The following SLC30A4 variants were observed in gnomAD, a reference collection of about 807,000 sequenced individuals.
SLC30A4 encodes probable proton-coupled zinc antiporter SLC30A4.
In SLC30A4, 20 loss-of-function variants were observed where a neutral mutation model predicts 41.7. The ratio of observed to expected loss-of-function variants is 0.48; its 90% CI spans 0.34 to 0.70. SLC30A4 has a LOEUF of 0.70. Among genes scored for constraint, SLC30A4 ranks in the 30% least tolerant of loss-of-function variants. The pLI, the probability that SLC30A4 is intolerant of heterozygous loss-of-function variation, is 0.01. For synonymous variants in SLC30A4, 181 were observed against 195.9 expected (o/e 0.92, Z 0.64); for missense variants, 441 against 529.3 (o/e 0.83, Z 1.64).
intron 2 of SLC30A4, among the ~76,000 whole-genome samples, chr15:45,514,914 C>G (rs1055397897): frequency 7.2e-5 from 11 of 152,072 alleles, no homozygotes; most frequent in Non-Finnish European, 1.6e-4. Flanking sequence ...GGGTCTTGCT[C>G]TGTTGTCCAG....
At chr15:45,507,175 C>T (rs1488002089) in intron 3 of SLC30A4, among the ~76,000 whole-genome samples, 1 of 151,708 alleles carries the variant, frequency 6.6e-6, no homozygotes, top group Non-Finnish European at 1.5e-5. Flanking sequence ...CAAAAATTAG[C>T]CATGAGTGGC....
chr15:45,520,981 C>G, intron 2 of SLC30A4: 1 of 455,506 alleles, frequency 2.2e-6, no homozygotes, highest in Admixed American at 2.7e-5. Context: ...AAAAGAAGAC[C>G]AGCATGGCTG....
chr15:45,506,289 A>G (rs929518245), intron 3 of SLC30A4, among the ~76,000 whole-genome samples: 2 of 152,198 alleles, frequency 1.3e-5, no homozygotes, highest in South Asian at 4.1e-4. Flanking sequence ...ATAAATCAAC[A>G]GAGAAAAAAC....
chr15:45,510,531 A>G (rs1416527762), intron 3 of SLC30A4, among the ~76,000 whole-genome samples: 1 of 152,228 alleles, frequency 6.6e-6, no homozygotes, highest in Non-Finnish European at 1.5e-5. Context: ...AGTTCAGGTA[A>G]TTATTTTATA....
intron 4 of SLC30A4, among the ~76,000 whole-genome samples, chr15:45,489,614 T>A (rs1891772360): frequency 9.4e-6 from 1 of 105,980 alleles, no homozygotes; most frequent in Non-Finnish European, 1.7e-5. Flanking sequence ...ATTCAGGGAC[T>A]GTTGTGGGGT....
intron 2 of SLC30A4, among the ~76,000 whole-genome samples, chr15:45,514,924 G>C (rs531902589): frequency 2.1e-4 from 32 of 152,054 alleles, no homozygotes; most frequent in Admixed American, 1.6e-3. Context: ...CTGTTGTCCA[G>C]GCTGCAGTGC....
chr15:45,485,039 G>A lies in SLC30A4; in HGVS notation c.*124C>T, dbSNP rs1891669896. On this transcript the variant is annotated 3_prime_UTR_variant, in exon 8 of 8. Coordinates refer to ENST00000261867, the MANE Select transcript of SLC30A4 (RefSeq NM_013309.6). ...CTGTCAGGCTGGGGCAACTGTTTGAGAGACTGATGCTTGATACGGACACAG... is the reference window on the plus strand; with the variant it reads ...CTGTCAGGCTGGGGCAACTGTTTGAAAGACTGATGCTTGATACGGACACAG... The A allele has an allele frequency of 1.4e-6, 1 of 704,910 alleles. No individual in the cohort carries two copies. Among genetic ancestry groups the A allele is most frequent in the Non-Finnish European group, 2.3e-6 (1 of 427,042 alleles). 43.7% of individuals were successfully genotyped at this position (704,910 alleles called of 1,614,324 possible).
At chr15:45,514,559 G>A (rs541620644) in intron 2 of SLC30A4, among the ~76,000 whole-genome samples, 26 of 139,936 alleles carry the variant, frequency 1.9e-4, no homozygotes, top group African/African-American at 6.8e-4. Flanking sequence ...CTGTCACCCA[G>A]GTTGGAGTAC....
chr15:45,479,835 C>T lies in SLC30A4; in HGVS notation c.*5328G>A, dbSNP rs1371485130. On this transcript the variant is annotated 3_prime_UTR_variant, in exon 8 of 8. Transcript: ENST00000261867. ...AATTACAATGTGAAAGTTGCAAATA[C>T]AGCACATATATATATATATATATAT... 1 of 142,854 alleles carries T rather than the reference C, an allele frequency of 7.0e-6. No homozygotes were observed. Among genetic ancestry groups the T allele is most frequent in the Non-Finnish European group, 1.5e-5 (1 of 66,786 alleles). The allele number at this position is 142,854 out of a possible 1,614,324, so 8.8% of individuals were successfully genotyped here.
At chr15:45,488,603 A>C (rs1332863072) in intron 5 of SLC30A4, among the ~76,000 whole-genome samples, 1 of 152,076 alleles carries the variant, frequency 6.6e-6, no homozygotes, top group Admixed American at 6.6e-5. Context: ...ATAAATAAGA[A>C]AATTGATTTA....
intron 2 of SLC30A4, chr15:45,521,071 A>G (rs2140866761): frequency 2.2e-6 from 1 of 445,920 alleles, no homozygotes; most frequent in Non-Finnish European, 4.5e-6. Context: ...CTCCAGTCAA[A>G]CATCTTAAAT....
chr15:45,495,450 A>T (rs899508029), intron 3 of SLC30A4, among the ~76,000 whole-genome samples: 5 of 152,240 alleles, frequency 3.3e-5, no homozygotes, highest in African/African-American at 1.2e-4. Context: ...TTGGATGCCC[A>T]GTTAAATTTG....
chr15:45,491,287 C>G (rs1891805206), intron 3 of SLC30A4, among the ~76,000 whole-genome samples: 1 of 152,222 alleles, frequency 6.6e-6, no homozygotes, highest in South Asian at 2.1e-4. Flanking sequence ...CCTTACCTCT[C>G]CCTACCCTCC....
At chr15:45,503,776 A>G (rs1427561306) in intron 3 of SLC30A4, among the ~76,000 whole-genome samples, 1 of 152,166 alleles carries the variant, frequency 6.6e-6, no homozygotes, top group African/African-American at 2.4e-5. Context: ...GAGAAATCCC[A>G]TCTCTACTAA....
chr15:45,515,543 C>T (rs1173940941), intron 2 of SLC30A4, among the ~76,000 whole-genome samples: 3 of 151,898 alleles, frequency 2.0e-5, no homozygotes, highest in African/African-American at 7.3e-5. Flanking sequence ...GTCCCAGCTA[C>T]TTGGGAGACT....
intron 3 of SLC30A4, among the ~76,000 whole-genome samples, chr15:45,498,930 C>T (rs760880267): frequency 3.9e-5 from 6 of 152,118 alleles, no homozygotes; most frequent in Middle Eastern, 3.4e-3. Context: ...TAAAAAAATC[C>T]CAACTACATG....
chr15:45,496,967 T>C (rs1357213949), intron 3 of SLC30A4: 1 of 151,786 alleles, frequency 6.6e-6, no homozygotes, highest in East Asian at 1.9e-4. Flanking sequence ...GTCAAGACTG[T>C]AGTGAGCCTT....
intron 4 of SLC30A4, among the ~76,000 whole-genome samples, chr15:45,490,005 A>G (rs1356279532): frequency 2.0e-5 from 3 of 152,204 alleles, no homozygotes; most frequent in Non-Finnish European, 2.9e-5. Context: ...CTCAAAGCTT[A>G]AAATATTTAC....
chr15:45,516,633 C>A (rs907979608), intron 2 of SLC30A4, among the ~76,000 whole-genome samples: 1 of 152,080 alleles, frequency 6.6e-6, no homozygotes, highest in Non-Finnish European at 1.5e-5. Flanking sequence ...CTTTGGGAGG[C>A]CGAGGTGGGC....
Sources: allele counts gnomAD v4.1 joint callset (sites outside exome capture counted in the v4.1 genomes callset), GRCh38; gene constraint gnomAD v4.1.1; transcripts MANE v1.5; gene names NCBI Gene and HGNC (gene_info 2026-07-23, HGNC 2026-07-21).